Variants in PPP2R5A observed in about 807,000 individuals in gnomAD.
The protein encoded by PPP2R5A is protein phosphatase 2 regulatory subunit B'alpha, also known as serine/threonine-protein phosphatase 2A 56 kDa regulatory subunit alpha isoform.
PPP2R5A carries 25 observed loss-of-function variants against 64.2 expected under a neutral mutation model. The ratio of observed to expected loss-of-function variants is 0.39; its 90% CI spans 0.28 to 0.54. The LOEUF is 0.54. Ranked by LOEUF, PPP2R5A falls within the 20% of genes least tolerant of loss-of-function variation. The pLI is 0.67. For missense variants in PPP2R5A, 425 were observed against 576.3 expected (o/e 0.74, Z 2.69); for synonymous variants, 198 against 201.2 (o/e 0.98, Z 0.13).
intron 4 of PPP2R5A, among the ~76,000 whole-genome samples, chr1:212,345,398 A>G (rs549793670): frequency 5.1e-4 from 77 of 152,292 alleles, no homozygotes; most frequent in Admixed American, 1.0e-3. Context: ...GATCTTTTTA[A>G]GACTATTTGA....
At chr1:212,330,784 C>G (rs1659489474) in intron 2 of PPP2R5A, among the ~76,000 whole-genome samples, 1 of 151,972 alleles carries the variant, frequency 6.6e-6, no homozygotes, top group Non-Finnish European at 1.5e-5. Flanking sequence ...TATAAGACCT[C>G]TCAAAAGGAA....
intron 1 of PPP2R5A, among the ~76,000 whole-genome samples, chr1:212,308,285 G>A (rs1658957971): frequency 6.6e-6 from 1 of 151,938 alleles, no homozygotes; most frequent in African/African-American, 2.4e-5. Flanking sequence ...TGCTTTCAAG[G>A]TTTTCTCCTT....
intron 3 of PPP2R5A, among the ~76,000 whole-genome samples, chr1:212,339,613 A>C (rs1206303160): frequency 6.6e-6 from 1 of 152,218 alleles, no homozygotes; most frequent in Non-Finnish European, 1.5e-5. Context: ...GATGAAAACT[A>C]TGAAAGAATT....
intron 3 of PPP2R5A, among the ~76,000 whole-genome samples, chr1:212,340,779 T>C (rs1204162451): frequency 6.6e-6 from 1 of 152,180 alleles, no homozygotes; most frequent in East Asian, 1.9e-4. Flanking sequence ...TCCCCAAACT[T>C]TTGTTAGCTG....
chr1:212,313,556 A>G lies in PPP2R5A; in HGVS notation c.182-15579A>G, dbSNP rs1305593015. 2.0e-5 allele frequency among the ~76,000 whole-genome samples: 3 copies of G among 151,218 alleles called. No homozygotes were observed. In the East Asian group the frequency reaches 5.8e-4, roughly 29 times the overall value. On this transcript the variant is annotated intron_variant, in intron 1 of 12. Coordinates refer to ENST00000261461, the MANE Select transcript of PPP2R5A (RefSeq NM_006243.4). Reference sequence around the variant, plus strand: ...CATTCTGTATACCAATTTCTTGTCCACATTTAATTTTTTAGTTCTTTCGGA... The same window carrying G: ...CATTCTGTATACCAATTTCTTGTCCGCATTTAATTTTTTAGTTCTTTCGGA...
At chr1:212,352,613 C>T (rs767533850) in intron 8 of PPP2R5A, among the ~76,000 whole-genome samples, 2 of 151,804 alleles carry the variant, frequency 1.3e-5, no homozygotes, top group Non-Finnish European at 2.9e-5. Flanking sequence ...CCATGCCCAG[C>T]TAATTTTTTT....
intron 1 of PPP2R5A, among the ~76,000 whole-genome samples, chr1:212,313,472 C>A (rs992466361): frequency 1.3e-5 from 2 of 151,830 alleles, no homozygotes; most frequent in African/African-American, 4.8e-5. Context: ...TTTCATGTGA[C>A]CTTTTTTTCC....
intron 1 of PPP2R5A, among the ~76,000 whole-genome samples, chr1:212,300,702 T>C (rs910865413): frequency 3.5e-4 from 54 of 152,272 alleles, no homozygotes; most frequent in African/African-American, 1.3e-3. Flanking sequence ...TAGAATTGTT[T>C]GTGAATAAAG....
At chr1:212,332,913 A>T (rs2921127) in intron 2 of PPP2R5A, among the ~76,000 whole-genome samples, 113,615 of 149,778 alleles carry the variant, frequency 0.76, 43,037 homozygotes, top group Non-Finnish European at 0.8. Context: ...TTTTATTTTT[A>T]TTTTTGGAGA....
intron 1 of PPP2R5A, among the ~76,000 whole-genome samples, chr1:212,321,662 G>A (rs1438048782): frequency 7.4e-6 from 1 of 134,432 alleles, no homozygotes; most frequent in Admixed American, 7.0e-5. Flanking sequence ...TCACTTCCTA[G>A]ATGGGATGGC....
intron 8 of PPP2R5A, among the ~76,000 whole-genome samples, chr1:212,351,158 C>T (rs1006179442): frequency 2.0e-5 from 3 of 151,360 alleles, no homozygotes; most frequent in Non-Finnish European, 4.4e-5. Context: ...GGATGATGGC[C>T]AGTTATTCAG....
At position 212,349,318 on chromosome 1, in the gene PPP2R5A, T is replaced by A; in HGVS notation, c.927+76T>A. On this transcript the variant is annotated intron_variant, in intron 8 of 12. Transcript: ENST00000261461. The stretch of plus-strand genomic sequence containing the variant: ...ATTGTAGCTTTCGTTTTATAGCCTT[T>A]ATAGTTATTAAGTAGAATAATGTAC... 1.8e-6 allele frequency: 2 copies of A among 1,101,384 alleles called. 1 individual carries two copies. The highest frequency in any genetic ancestry group is 3.4e-5 in the South Asian group (2 of 58,630). The allele number at this position is 1,101,384 out of a possible 1,614,324, so 68.2% of individuals were successfully genotyped here.
chr1:212,353,013 A>G (rs1401899919), intron 8 of PPP2R5A: 4 of 510,310 alleles, frequency 7.8e-6, no homozygotes, highest in East Asian at 5.5e-5. Context: ...GAATCTGGTC[A>G]TGGCTTAGGT....
chr1:212,294,404 TAAAAG>T, intron 1 of PPP2R5A, among the ~76,000 whole-genome samples: 1 of 152,328 alleles, frequency 6.6e-6, no homozygotes, highest in Non-Finnish European at 1.5e-5. Flanking sequence ...CTATTGAAGT[TAAAAG>T]TAAAATAAGA....
intron 1 of PPP2R5A, among the ~76,000 whole-genome samples, chr1:212,310,909 C>CCT (rs1205258143): frequency 2.0e-5 from 3 of 152,100 alleles, no homozygotes; most frequent in Non-Finnish European, 4.4e-5. Context: ...GAGGAAGAGC[C>CCT]CTGTGTTCTC....
At chr1:212,354,776 T>G (rs1200637830) in intron 8 of PPP2R5A, among the ~76,000 whole-genome samples, 1 of 151,902 alleles carries the variant, frequency 6.6e-6, no homozygotes, top group Non-Finnish European at 1.5e-5. Context: ...AGAAAAATGG[T>G]GATCCCATAA....
chr1:212,323,774 A>G (rs1409325355), intron 1 of PPP2R5A, among the ~76,000 whole-genome samples: 1 of 152,166 alleles, frequency 6.6e-6, no homozygotes, highest in Non-Finnish European at 1.5e-5. Flanking sequence ...AGTCTTTTTT[A>G]AAAAATGTGT....
rs769275077 is a variant in PPP2R5A, at chr1:212,360,828, T to C, written c.*58T>C. 6 of 1,456,452 alleles carry C rather than the reference T, an allele frequency of 4.1e-6. No individual in the cohort carries two copies. Among genetic ancestry groups the C allele is most frequent in the Non-Finnish European group, 3.6e-6 (4 of 1,097,548 alleles). The allele number at this position is 1,456,452 out of a possible 1,614,324, so 90.2% of individuals were successfully genotyped here. A position where few individuals can be genotyped will look rare whatever the true frequency, so the allele number is the denominator to read the frequency against. On this transcript the variant is annotated 3_prime_UTR_variant, in exon 13 of 13. Transcript: ENST00000261461. The stretch of plus-strand genomic sequence containing the variant: ...GAGTTTTGTATGCTTTTTTGAAATA[T>C]GTAAAAATTACAAAACAAACCTCAT...
chr1:212,327,373 A>G (rs918211027), intron 1 of PPP2R5A, among the ~76,000 whole-genome samples: 1 of 152,230 alleles, frequency 6.6e-6, no homozygotes, highest in African/African-American at 2.4e-5. Flanking sequence ...AATCAAATCA[A>G]TACAGTGTGT....
Sources: gnomAD v4.1 joint callset for allele counts (sites outside exome capture counted in the v4.1 genomes callset) on GRCh38, gnomAD v4.1.1 for gene constraint, MANE v1.5 for transcripts, NCBI Gene and HGNC (gene_info 2026-07-23, HGNC 2026-07-21) for gene names.